SVIL: variants seen among roughly 807,000 people sequenced by gnomAD.
SVIL encodes the protein supervillin.
A neutral mutation model predicts 240.4 loss-of-function variants in SVIL; 101 were observed. The ratio of observed to expected loss-of-function variants is 0.42; its 90% CI spans 0.36 to 0.50. The LOEUF is 0.50. SVIL is among the 20% of genes least tolerant of loss of function. SVIL has a pLI of 0.01. For synonymous variants in SVIL, 999 were observed against 1,100.0 expected, an observed-to-expected ratio of 0.91 and a Z score of 1.82; for missense variants, 2,512 against 2,818.7, an observed-to-expected ratio of 0.89 and a Z score of 2.46.
chr10:29,659,583 G>A (rs995714546), intron 2 of SVIL, among the ~76,000 whole-genome samples: 32 of 152,132 alleles, frequency 2.1e-4, no homozygotes, highest in African/African-American at 7.7e-4. Context: ...ATCTCCAGAA[G>A]CCCAGCCCCA....
intron 2 of SVIL, chr10:29,671,153 C>A (rs1233627339): frequency 1.3e-5 from 2 of 152,160 alleles, no homozygotes; most frequent in East Asian, 3.9e-4. Context: ...AACCTTGAAC[C>A]CACCTTTAAA....
intron 12 of SVIL, among the ~76,000 whole-genome samples, chr10:29,529,468 A>G (rs1263242618): frequency 6.6e-6 from 1 of 152,210 alleles, no homozygotes. Flanking sequence ...TAAAATATCA[A>G]TATGCAGAGA....
chr10:29,550,886 C>A lies in SVIL; in HGVS notation c.538G>T (p.Gly180Cys). 1 of 1,613,962 alleles carries A rather than the reference C, an allele frequency of 6.2e-7. No homozygotes were observed. The highest frequency in any genetic ancestry group is 2.2e-5 in the East Asian group (1 of 44,860). ...TGGAGGGCATAGTCCTTGGATTCAC[C>A]GGCACAGGTCCTGAGCCCCATCGTC... ...TETMGLRTCA[G>C]ESKDYALHVG... The change falls in exon 6 of 38, where the codon GGT (glycine) becomes TGT (cysteine). Residue 180 changes from glycine to cysteine, a missense_variant. Transcript: ENST00000355867.
intron 1 of SVIL, among the ~76,000 whole-genome samples, chr10:29,633,920 ATG>A (rs1491141546): frequency 4.6e-5 from 7 of 152,130 alleles, no homozygotes; most frequent in African/African-American, 2.4e-5. Context: ...GCCCTGAAGA[ATG>A]AGAGTACCAA....
At chr10:29,472,332 T>C (rs1433681976) in intron 30 of SVIL, among the ~76,000 whole-genome samples, 1 of 152,216 alleles carries the variant, frequency 6.6e-6, no homozygotes, top group African/African-American at 2.4e-5. Flanking sequence ...ATTTCTAAAA[T>C]ATAGTCCATA....
intron 36 of SVIL, among the ~76,000 whole-genome samples, chr10:29,461,325 C>T (rs957316042): frequency 1.2e-4 from 19 of 152,228 alleles, no homozygotes; most frequent in Admixed American, 9.2e-4. Context: ...CATCTCGTTC[C>T]GGCTGCGGCA....
At chr10:29,463,340 AG>A (rs1272619294) in intron 35 of SVIL, 151 bp downstream of exon 35, 1 of 985,072 alleles carries the variant, frequency 1.0e-6, no homozygotes. Context: ...AAAAAGTTAA[AG>A]GGGAAAAAAT....
intron 3 of SVIL, among the ~76,000 whole-genome samples, chr10:29,657,030 T>C (rs985500432): frequency 2.6e-5 from 4 of 152,136 alleles, no homozygotes; most frequent in Non-Finnish European, 1.5e-5. Context: ...CATAAGGAAA[T>C]TGAAAGAGAG....
chr10:29,550,060 A>C (rs114171214), intron 6 of SVIL, among the ~76,000 whole-genome samples: 4 of 53,992 alleles, frequency 7.4e-5, no homozygotes, highest in Non-Finnish European at 1.7e-4. Context: ...AAAGAAAAAG[A>C]AAAAAAAAAA....
chr10:29,724,036 C>T (rs186430054), intron 1 of SVIL, among the ~76,000 whole-genome samples: 69 of 152,174 alleles, frequency 4.5e-4, no homozygotes, highest in Admixed American at 5.9e-4. Flanking sequence ...GAAGTATGAA[C>T]GGGTTTATAA....
chr10:29,711,749 G>A (rs1478134040), intron 1 of SVIL, among the ~76,000 whole-genome samples: 1 of 151,426 alleles, frequency 6.6e-6, no homozygotes, highest in Non-Finnish European at 1.5e-5. Context: ...GACACAAAGT[G>A]AGACTCTGTC....
intron 1 of SVIL, among the ~76,000 whole-genome samples, chr10:29,731,358 G>C (rs951520734): frequency 6.6e-6 from 1 of 152,132 alleles, no homozygotes; most frequent in Non-Finnish European, 1.5e-5. Flanking sequence ...ATAAACTGAA[G>C]TTTTCTCATT....
rs528431591 is a variant in SVIL at position 29,729,221 on chromosome 10, G to A, written c.-400+6530C>T. ...GGACAACATAGTCACCACTATCAAGGGGAACTGGATCATTTTCCAACAGTA... is the reference window on the plus strand; with the variant it reads ...GGACAACATAGTCACCACTATCAAGAGGAACTGGATCATTTTCCAACAGTA... On this transcript the variant is annotated intron_variant, in intron 1 of 35. Coordinates refer to the SVIL transcript ENST00000375400. Among the ~76,000 whole-genome samples, 9 of 152,262 alleles carry A rather than the reference G, an allele frequency of 5.9e-5. No homozygotes were observed. The East Asian group carries it at 1.7e-3, about 29-fold the overall frequency.
chr10:29,715,469 C>T (rs1332253676), intron 1 of SVIL, among the ~76,000 whole-genome samples: 1 of 152,204 alleles, frequency 6.6e-6, no homozygotes, highest in Non-Finnish European at 1.5e-5. Context: ...ACATTCCCAT[C>T]CAACTAAGAT....
chr10:29,685,167 C>T (rs1056797657), intron 2 of SVIL, among the ~76,000 whole-genome samples: 3 of 152,136 alleles, frequency 2.0e-5, no homozygotes, highest in East Asian at 3.8e-4. Flanking sequence ...TGAGTACATA[C>T]GGTATTTGGT....
intron 6 of SVIL, among the ~76,000 whole-genome samples, chr10:29,545,741 G>A (rs1199503398): frequency 6.6e-6 from 1 of 150,900 alleles, no homozygotes. Context: ...TGTAGTCCCA[G>A]CTACTTGGGA....
chr10:29,713,374 T>C (rs1377420247), intron 1 of SVIL, among the ~76,000 whole-genome samples: 2 of 152,006 alleles, frequency 1.3e-5, no homozygotes, highest in Admixed American at 6.6e-5. Flanking sequence ...CAACTATTAG[T>C]AATAACCACT....
At chr10:29,537,934 T>C (rs757325817) in intron 6 of SVIL, among the ~76,000 whole-genome samples, 2 of 152,226 alleles carry the variant, frequency 1.3e-5, no homozygotes, top group African/African-American at 4.8e-5. Flanking sequence ...TTAAGATGTA[T>C]GTAAAGTCAT....
At chr10:29,661,353 C>A (rs1959157336) in intron 2 of SVIL, among the ~76,000 whole-genome samples, 1 of 152,082 alleles carries the variant, frequency 6.6e-6, no homozygotes, top group South Asian at 2.1e-4. Context: ...AGCAAGAATA[C>A]AAACAGGAAA....
Sources: gnomAD v4.1 joint callset for allele counts (sites outside exome capture counted in the v4.1 genomes callset) on GRCh38, gnomAD v4.1.1 for gene constraint, MANE v1.5 for transcripts, NCBI Gene and HGNC (gene_info 2026-07-23, HGNC 2026-07-21) for gene names.